DNAH2: variants seen among roughly 807,000 people sequenced by gnomAD.
DNAH2 encodes the protein dynein axonemal heavy chain 2.
In DNAH2, 323 loss-of-function variants were observed where a neutral mutation model predicts 523.5. That is an observed-to-expected ratio of 0.62 (90% CI 0.56 to 0.68). DNAH2 has a LOEUF of 0.68. Among genes scored for constraint, DNAH2 ranks in the 30% least tolerant of loss-of-function variants. The pLI is 0.00. For missense variants in DNAH2, 4,907 were observed against 5,701.5 expected (o/e 0.86, Z 4.49); for synonymous variants, 2,093 against 2,177.4 (o/e 0.96, Z 1.08).
intron 56 of DNAH2, among the ~76,000 whole-genome samples, chr17:7,799,708 C>T (rs2077169952): frequency 6.6e-6 from 1 of 152,078 alleles, no homozygotes; most frequent in Non-Finnish European, 1.5e-5. Context: ...GTCCCAGCTA[C>T]TCAGGAGGAT....
chr17:7,785,193 C>T (rs573901166), intron 39 of DNAH2, among the ~76,000 whole-genome samples: 1 of 151,894 alleles, frequency 6.6e-6, no homozygotes, highest in South Asian at 2.1e-4. Flanking sequence ...CCTCCGCCTC[C>T]CAGGTTCAAG....
At chr17:7,813,679 G>T (rs914181466) in intron 63 of DNAH2, among the ~76,000 whole-genome samples, 1 of 152,084 alleles carries the variant, frequency 6.6e-6, no homozygotes, top group South Asian at 2.1e-4. Context: ...AGGTTGACGC[G>T]GGTGGATGAC....
rs755023427 is a variant in DNAH2, at chr17:7,742,956, G to A, written c.1718G>A (p.Arg573His). Reference protein sequence around the residue: ...TCLAGAHFLPRIGTGKESVHT... With the variant: ...TCLAGAHFLPHIGTGKESVHT... ...CTTGCTGGTGCTCATTTCCTGCCCC[G>A]TATTGGGACTGGAAAGGAGAGTGTG... Residue 573 changes from arginine to histidine, a missense_variant, in exon 12 of 86, where the codon CGT becomes CAT. Arg to His is a conservative substitution (Grantham distance 29, BLOSUM62 0). Around this residue, in one of 3 missense-constraint regions of DNAH2, gnomAD observed 2,806 missense variants for 3,190.8 expected, o/e 0.88. Coordinates refer to ENST00000572933, the MANE Select transcript of DNAH2 (RefSeq NM_020877.5). 4.7e-5 allele frequency: 70 copies of A among 1,474,492 alleles called. No individual in the cohort carries two copies. The Admixed American group carries it at 1.1e-3, about 24-fold the overall frequency. 91.3% of individuals were successfully genotyped at this position (1,474,492 alleles called of 1,614,324 possible). A position where few individuals can be genotyped will look rare whatever the true frequency, so the allele number is the denominator to read the frequency against.
rs1461952097 is a variant in DNAH2, at chr17:7,793,455, CTT to C, written c.7569+252_7569+253del. Among the ~76,000 whole-genome samples, 82 of 83,914 alleles carry C rather than the reference CTT, an allele frequency of 9.8e-4. 1 individual carries two copies. Among genetic ancestry groups the C allele is most frequent in the South Asian group, 2.1e-3 (6 of 2,906 alleles). 55.1% of individuals were successfully genotyped at this position (83,914 alleles called of 152,430 possible). On this transcript the variant is annotated intron_variant, in intron 48 of 85. Transcript: ENST00000572933. Reference sequence around the variant, plus strand: ...GCTTTTTCTTTCTTTCTTTTTCTTTCTTTCTTTCTTTCTTTCTTTCTTTCTTT... The same window carrying C: ...GCTTTTTCTTTCTTTCTTTTTCTTTCTCTTTCTTTCTTTCTTTCTTTCTTT...
In DNAH2 at chr17:7,718,629, G is replaced by C. The variant is rs917876789; in HGVS notation, c.-185G>C. ...CACAATTTGAAATTTATGATTGGAT[G>C]ACTTTTGTCCTTCTTTCTTCCAATC... On this transcript the variant is annotated 5_prime_UTR_variant, in exon 1 of 86. The change abolishes an upstream ATG in the 5' untranslated region. Coordinates refer to ENST00000572933, the MANE Select transcript of DNAH2 (RefSeq NM_020877.5). 6.6e-6 allele frequency: 1 copy of C among 152,614 alleles called. No homozygotes were observed. Among genetic ancestry groups the C allele is most frequent in the African/African-American group, 2.4e-5 (1 of 41,430 alleles). The allele number at this position is 152,614 out of a possible 1,614,324, so 9.5% of individuals were successfully genotyped here. A position where few individuals can be genotyped will look rare whatever the true frequency, so the allele number is the denominator to read the frequency against.
Position 7,740,470 on chromosome 17 carries a change from C to T in DNAH2, c.1427C>T (p.Thr476Ile). The change falls in exon 10 of 86, where the codon ACC (threonine) becomes ATC (isoleucine). Residue 476 changes from threonine (T) to isoleucine (I), a missense_variant. Thr to Ile is a moderately conservative substitution (Grantham distance 89). Around this residue, in one of 3 missense-constraint regions of DNAH2, gnomAD observed 2,806 missense variants for 3,190.8 expected, o/e 0.88. Coordinates refer to ENST00000572933, the MANE Select transcript of DNAH2 (RefSeq NM_020877.5). ...GAGGTGATGACCCAGAACCTGATCA[C>T]CTCAGCCTTCGAGTTGGTGCGGGAC... ...DLEVMTQNLI[T>I]SAFELVRDVP... 6.2e-7 allele frequency: 1 copy of T among 1,614,192 alleles called. No individual in the cohort carries two copies. The highest frequency in any genetic ancestry group is 8.5e-7 in the Non-Finnish European group (1 of 1,180,032).
rs542683115 is a variant in DNAH2, at chr17:7,723,177, A to G, written c.167-451A>G. Among the ~76,000 whole-genome samples the G allele has an allele frequency of 1.3e-3, 190 of 147,612 alleles. 2 individuals are homozygous for G. The highest frequency in any genetic ancestry group is 3.4e-3 in the African/African-American group (135 of 39,920). ...AGTAGAGACGGGGTTTCACCGTATT[A>G]GTCAGGATGGTCTTGATCTCCTGAC... On this transcript the variant is annotated intron_variant, in intron 2 of 85. Coordinates refer to ENST00000572933, the MANE Select transcript of DNAH2 (RefSeq NM_020877.5).
rs2076082128 is a variant in DNAH2, at chr17:7,764,031, A to G, written c.3179A>G (p.Lys1060Arg). ...ACCTACCTGAAGGAGAACGCAGAGA[A>G]GTGCGGGCTGGGGCGCCCCACAGGA... is the stretch of plus-strand genomic sequence containing the variant. The part of the protein sequence containing the change: ...LHTYLKENAE[K>R]ISRPPQTLEE... The change falls in exon 19 of 86, where the codon AAA (lysine) becomes AGA (arginine). Residue 1060 changes from lysine (K) to arginine (R), a missense_variant and splice_region_variant. Lys to Arg is a conservative substitution (Grantham distance 26). Transcript: ENST00000572933. The G allele has an allele frequency of 5.0e-6, 8 of 1,613,598 alleles. No homozygotes were observed. The highest frequency in any genetic ancestry group is 6.8e-6 in the Non-Finnish European group (8 of 1,179,642).
rs376846330 is a variant in DNAH2, at chr17:7,766,396, G to A, written c.3590G>A (p.Arg1197Gln). 17 of 1,614,004 alleles carry A rather than the reference G, an allele frequency of 1.1e-5. No homozygotes were observed. Among genetic ancestry groups the A allele is most frequent in the South Asian group, 3.3e-5 (3 of 91,080 alleles). The change falls in exon 22 of 86, where the codon CGG becomes CAG. Residue 1197 changes from arginine (R) to glutamine (Q), a missense_variant. Physicochemically the swap from Arg to Gln is conservative, Grantham distance 43. Transcript: ENST00000572933. ...TQVRAMLMAMREEENSLRANL... is the reference protein window; with the variant it reads ...TQVRAMLMAMQEEENSLRANL... ...GTGCGGGCCATGCTGATGGCCATGC[G>A]GGAAGAGGAAAATAGTCTCCGAGCC...
rs199792031 is a variant in DNAH2 at position 7,793,176 on chromosome 17, C to T, written c.7540C>T (p.Arg2514Cys). Reference sequence around the variant, plus strand: ...GATTGACTATGGCTTCTGGTATGACCGTACGAAGCAGACCATCAAGTACAT... The same window carrying T: ...GATTGACTATGGCTTCTGGTATGACTGTACGAAGCAGACCATCAAGTACAT... The part of the protein sequence containing the change: ...LWIDYGFWYD[R>C]TKQTIKYIRE... Residue 2514 changes from arginine to cysteine, a missense_variant, in exon 48 of 86, where the codon CGT becomes TGT. Around this residue, in one of 3 missense-constraint regions of DNAH2, gnomAD observed 250 missense variants for 371.3 expected, o/e 0.67. Coordinates refer to ENST00000572933, the MANE Select transcript of DNAH2 (RefSeq NM_020877.5). 1.4e-5 allele frequency: 22 copies of T among 1,614,052 alleles called. No homozygotes were observed. In the Admixed American group the frequency reaches 1.8e-4, roughly 13 times the overall value.
Position 7,821,293 on chromosome 17 carries a change from A to T in DNAH2, c.11066A>T (p.His3689Leu). Reference protein sequence around the residue: ...FERHKLLFSFHMCAKILETSG... With the variant: ...FERHKLLFSFLMCAKILETSG... ...CGCCACAAACTACTATTCAGTTTTC[A>T]TATGTGTGCCAAAATCTTGGAGACT... The change falls in exon 73 of 86, where the codon CAT becomes CTT. Residue 3689 changes from histidine to leucine, a missense_variant. His to Leu is a moderately conservative substitution (Grantham distance 99). This residue lies in a region of DNAH2 where 1,851 missense variants were observed against 2,139.4 expected (regional missense o/e 0.87). Coordinates refer to ENST00000572933, the MANE Select transcript of DNAH2 (RefSeq NM_020877.5). This position sits in a 1 kb window ranked among gnomAD's most constrained non-coding sequence, Gnocchi z 5.0. 6.2e-7 allele frequency: 1 copy of T among 1,613,946 alleles called. No individual in the cohort carries two copies. The highest frequency in any genetic ancestry group is 1.1e-5 in the South Asian group (1 of 91,040).
intron 63 of DNAH2, among the ~76,000 whole-genome samples, chr17:7,813,535 C>T (rs1567741803): frequency 2.6e-5 from 4 of 152,034 alleles, no homozygotes; most frequent in African/African-American, 9.7e-5. Flanking sequence ...TGAGGCAGCT[C>T]ACAAGAACTG....
intron 11 of DNAH2, among the ~76,000 whole-genome samples, chr17:7,741,577 C>G (rs2075353418): frequency 6.6e-6 from 1 of 151,950 alleles, no homozygotes; most frequent in East Asian, 1.9e-4. Context: ...CCAGGATGGT[C>G]TGAGTCTCCT....
At chr17:7,796,098 G>C (rs1223831692) in intron 49 of DNAH2, among the ~76,000 whole-genome samples, 1 of 144,354 alleles carries the variant, frequency 6.9e-6, no homozygotes, top group Non-Finnish European at 1.5e-5. Context: ...GCCCAAGCTG[G>C]AGTGCAGTGG....
chr17:7,723,422 G>A (rs535893438), intron 2 of DNAH2, among the ~76,000 whole-genome samples: 15 of 150,570 alleles, frequency 1.0e-4, no homozygotes, highest in African/African-American at 2.4e-4. Flanking sequence ...ACAGACACCC[G>A]CCACCACACC....
At chr17:7,819,097 C>G in intron 71 of DNAH2, 34 bp downstream of exon 71, 4 of 1,600,404 alleles carry the variant, frequency 2.5e-6, no homozygotes, top group Non-Finnish European at 3.4e-6. Flanking sequence ...TGCCTCCCAC[C>G]AGCCATCCAA....
At chr17:7,771,841 C>T (rs2076325501) in intron 28 of DNAH2, among the ~76,000 whole-genome samples, 1 of 152,040 alleles carries the variant, frequency 6.6e-6, no homozygotes, top group Non-Finnish European at 1.5e-5. Flanking sequence ...TTCAGCCTCC[C>T]AAGTAGCTGG....
chr17:7,784,207 TA>T (rs1168175267), intron 39 of DNAH2, among the ~76,000 whole-genome samples: 2 of 152,066 alleles, frequency 1.3e-5, no homozygotes, highest in African/African-American at 4.8e-5. Context: ...AGTCTCAAAA[TA>T]AGTAGAGCAA....
chr17:7,740,067 G>GGC, intron 9 of DNAH2, 129 bp downstream of exon 9: 1 of 475,894 alleles, frequency 2.1e-6, no homozygotes, highest in South Asian at 2.5e-5. Context: ...GCGGTGGCCC[G>GGC]GGGGGGGGGA....
Sources: allele counts gnomAD v4.1 joint callset (sites outside exome capture counted in the v4.1 genomes callset), GRCh38; gene constraint gnomAD v4.1.1; regional missense constraint gnomAD v4.1.1; non-coding constraint Gnocchi (gnomAD v3.1); transcripts MANE v1.5; gene names NCBI Gene and HGNC (gene_info 2026-07-23, HGNC 2026-07-21).